Variants in WWOX observed in about 807,000 individuals in gnomAD.
WWOX encodes the protein WW domain containing oxidoreductase, also known as WW domain-containing oxidoreductase.
A neutral mutation model predicts 46.2 loss-of-function variants in WWOX; 69 were observed. That is an observed-to-expected ratio of 1.49 (90% CI 1.23 to 1.82). WWOX has a LOEUF of 1.82. WWOX is among the 40% of genes most tolerant of loss of function. The pLI is 0.00. For synonymous variants in WWOX, 359 were observed against 202.6 expected (o/e 1.77, Z -6.56); for missense variants, 919 against 542.6 (o/e 1.69, Z -6.89).
At chr16:78,741,759 G>A (rs530805064) in intron 8 of WWOX, among the ~76,000 whole-genome samples, 8 of 152,232 alleles carry the variant, frequency 5.3e-5, no homozygotes, top group African/African-American at 1.9e-4. Context: ...GGAGGCTGAG[G>A]CAGGAGAATT....
At chr16:78,376,337 C>G (rs1653590706) in intron 5 of WWOX, among the ~76,000 whole-genome samples, 2 of 152,112 alleles carry the variant, frequency 1.3e-5, no homozygotes, top group South Asian at 2.1e-4. Context: ...AACTACAATA[C>G]TATGTTTTTA....
At chr16:78,725,527 A>C (rs2142366374) in intron 8 of WWOX, among the ~76,000 whole-genome samples, 1 of 150,104 alleles carries the variant, frequency 6.7e-6, no homozygotes, top group Non-Finnish European at 1.5e-5. Context: ...TTGTATTTTT[A>C]GTAGAAATGG....
chr16:78,190,005 C>G (rs961645404), intron 5 of WWOX, among the ~76,000 whole-genome samples: 2 of 152,168 alleles, frequency 1.3e-5, no homozygotes, highest in African/African-American at 4.8e-5. Flanking sequence ...CAAACCTTTC[C>G]TATTGTGGCA....
chr16:79,112,505 C>T (rs1043240840), intron 8 of WWOX, among the ~76,000 whole-genome samples: 1 of 152,116 alleles, frequency 6.6e-6, no homozygotes, highest in African/African-American at 2.4e-5. Flanking sequence ...CCCCACCCTG[C>T]GAGTTCTTCA....
At chr16:78,815,574 G>C (rs1224315584) in intron 8 of WWOX, among the ~76,000 whole-genome samples, 1 of 152,184 alleles carries the variant, frequency 6.6e-6, no homozygotes, top group Non-Finnish European at 1.5e-5. Flanking sequence ...TGCCCAATGC[G>C]TAAGCTGTCC....
At chr16:79,187,203 T>C (rs2051033636) in intron 8 of WWOX, among the ~76,000 whole-genome samples, 1 of 152,162 alleles carries the variant, frequency 6.6e-6, no homozygotes, top group Non-Finnish European at 1.5e-5. Context: ...CGTACTTCAT[T>C]TTCCTCCCCT....
At chr16:78,382,304 G>A (rs1408671234) in intron 5 of WWOX, among the ~76,000 whole-genome samples, 12 of 152,184 alleles carry the variant, frequency 7.9e-5, no homozygotes, top group Admixed American at 7.9e-4. Flanking sequence ...ACTATTAAGT[G>A]GAAGTCTTTG....
At chr16:79,043,590 A>G (rs986329086) in intron 8 of WWOX, among the ~76,000 whole-genome samples, 1 of 152,208 alleles carries the variant, frequency 6.6e-6, no homozygotes, top group Non-Finnish European at 1.5e-5. Context: ...ATCCTGCATT[A>G]TAACCCTAAT....
intron 8 of WWOX, among the ~76,000 whole-genome samples, chr16:78,855,630 G>C (rs1352738121): frequency 3.9e-5 from 6 of 152,184 alleles, no homozygotes; most frequent in African/African-American, 1.4e-4. Flanking sequence ...TAACCGAAGA[G>C]GGAAGACAAC....
intron 8 of WWOX, among the ~76,000 whole-genome samples, chr16:78,460,799 C>A (rs2083930525): frequency 6.6e-6 from 1 of 152,240 alleles, no homozygotes; most frequent in Non-Finnish European, 1.5e-5. Context: ...ACCATAAATA[C>A]TAAATGAATA....
intron 8 of WWOX, among the ~76,000 whole-genome samples, chr16:78,603,728 A>G (rs940876949): frequency 6.6e-6 from 1 of 152,130 alleles, no homozygotes; most frequent in Non-Finnish European, 1.5e-5. Context: ...AATAAAAAAT[A>G]TGTCCTGTAA....
intron 5 of WWOX, among the ~76,000 whole-genome samples, chr16:78,314,207 C>A (rs2080307203): frequency 6.6e-6 from 1 of 151,890 alleles, no homozygotes; most frequent in Non-Finnish European, 1.5e-5. Flanking sequence ...GAGATGGAGA[C>A]CATCCTGGCT....
chr16:78,498,938 A>C (rs1466254491), intron 8 of WWOX, among the ~76,000 whole-genome samples: 11 of 152,212 alleles, frequency 7.2e-5, no homozygotes, highest in Admixed American at 7.2e-4. Context: ...AGATAAGCAC[A>C]ATAATGATTG....
chr16:79,078,787 C>T (rs1346842817), intron 8 of WWOX, among the ~76,000 whole-genome samples: 3 of 152,178 alleles, frequency 2.0e-5, no homozygotes, highest in Non-Finnish European at 4.4e-5. Flanking sequence ...TTCTCTTGGC[C>T]TTTATTTCTC....
intron 4 of WWOX, among the ~76,000 whole-genome samples, chr16:78,157,930 C>T (rs2034660891): frequency 6.6e-6 from 1 of 152,146 alleles, no homozygotes; most frequent in Non-Finnish European, 1.5e-5. Context: ...ATTTGTTTTC[C>T]ACCTACTATG....
At chr16:79,034,491 G>C (rs1186322520) in intron 8 of WWOX, among the ~76,000 whole-genome samples, 1 of 152,190 alleles carries the variant, frequency 6.6e-6, no homozygotes, top group Non-Finnish European at 1.5e-5. Flanking sequence ...GCTCTGTTAA[G>C]ACATGCTACT....
intron 8 of WWOX, among the ~76,000 whole-genome samples, chr16:79,195,077 A>G (rs1255712894): frequency 6.6e-6 from 1 of 152,144 alleles, no homozygotes; most frequent in Non-Finnish European, 1.5e-5. Context: ...CCGGATGGCT[A>G]AAGTGTGAGC....
intron 6 of WWOX, among the ~76,000 whole-genome samples, chr16:78,389,729 A>G (rs1697629642): frequency 2.0e-5 from 3 of 152,084 alleles, no homozygotes; most frequent in Non-Finnish European, 2.9e-5. Flanking sequence ...CCACCGTACT[A>G]TACTGTGTTT....
chr16:78,426,099 TGAAAG>T (rs962386275), intron 7 of WWOX, among the ~76,000 whole-genome samples: 26 of 152,132 alleles, frequency 1.7e-4, no homozygotes, highest in Admixed American at 3.9e-4. Context: ...ATGGCTGAAA[TGAAAG>T]GTAAATGCCA....
Sources: gnomAD v4.1 joint callset for allele counts (sites outside exome capture counted in the v4.1 genomes callset) on GRCh38, gnomAD v4.1.1 for gene constraint, MANE v1.5 for transcripts, NCBI Gene and HGNC (gene_info 2026-07-23, HGNC 2026-07-21) for gene names.